Variants in XXYLT1 observed in about 807,000 individuals in gnomAD.
XXYLT1 encodes xyloside xylosyltransferase 1.
In XXYLT1, 20 loss-of-function variants were observed where a neutral mutation model predicts 28.9. The ratio of observed to expected loss-of-function variants is 0.69; its 90% CI spans 0.49 to 1.00. The LOEUF (loss-of-function observed/expected upper bound fraction) is 1.00, where lower values mean the gene tolerates loss of function less well. Among genes scored for constraint, XXYLT1 ranks in the 50% least tolerant of loss-of-function variants. The pLI is 0.00. For missense variants in XXYLT1, 542 were observed against 560.1 expected (o/e 0.97, Z 0.33); for synonymous variants, 257 against 253.8 (o/e 1.01, Z -0.12).
rs1724349748 is a variant in XXYLT1, at chr3:195,232,620, C to T, written c.505-5764G>A. ...TTTCAAGAAATTTTTCAATTTCTTT[C>T]TTAACCTCTTCATTGACCAACTGGT... On this transcript the variant is annotated intron_variant, in intron 1 of 3. Coordinates refer to ENST00000310380, the MANE Select transcript of XXYLT1 (RefSeq NM_152531.5). 2.6e-5 allele frequency among the ~76,000 whole-genome samples: 4 copies of T among 152,192 alleles called. No homozygotes were observed. In the East Asian group the frequency reaches 7.7e-4, roughly 29 times the overall value.
At chr3:195,163,837 A>G (rs994376650) in intron 2 of XXYLT1, among the ~76,000 whole-genome samples, 13 of 152,222 alleles carry the variant, frequency 8.5e-5, no homozygotes, top group African/African-American at 2.9e-4. Flanking sequence ...TCATGGTGCA[A>G]GACAGGGGCT....
At position 195,092,782 on chromosome 3, in the gene XXYLT1, C is replaced by T. The variant is rs563597862; in HGVS notation, c.786-22671G>A. The stretch of plus-strand genomic sequence containing the variant: ...AGAAAATTTTCGCAACCAACTCATC[C>T]GACAGAGGGCTAATATCCAGAATCT... On this transcript the variant is annotated intron_variant, in intron 3 of 3. Coordinates refer to ENST00000310380, the MANE Select transcript of XXYLT1 (RefSeq NM_152531.5). Among the ~76,000 whole-genome samples, 229 of 110,956 alleles carry T rather than the reference C, an allele frequency of 2.1e-3. 46 individuals are homozygous for T. Among genetic ancestry groups the T allele is most frequent in the African/African-American group, 0.01 (215 of 21,138 alleles). 72.8% of individuals were successfully genotyped at this position (110,956 alleles called of 152,430 possible).
chr3:195,172,339 C>T (rs1553815135), intron 2 of XXYLT1, among the ~76,000 whole-genome samples: 1 of 152,150 alleles, frequency 6.6e-6, no homozygotes, highest in Non-Finnish European at 1.5e-5. Context: ...AAAAACACTG[C>T]CCCAAGAAGT....
intron 2 of XXYLT1, among the ~76,000 whole-genome samples, chr3:195,185,117 GGAA>G (rs1211561344): frequency 7.4e-6 from 1 of 134,290 alleles, no homozygotes; most frequent in African/African-American, 3.4e-5. Flanking sequence ...AAGGAAGGAA[GGAA>G]GGAAGGAAGG....
chr3:195,141,353 TCCAAATA>T (rs1429586255), intron 3 of XXYLT1, among the ~76,000 whole-genome samples: 1 of 152,220 alleles, frequency 6.6e-6, no homozygotes, highest in Non-Finnish European at 1.5e-5. Context: ...CTGAAACAAT[TCCAAATA>T]CTTGCATAGT....
intron 3 of XXYLT1, among the ~76,000 whole-genome samples, chr3:195,071,751 C>G (rs145995904): frequency 4.6e-5 from 7 of 152,220 alleles, no homozygotes; most frequent in African/African-American, 1.7e-4. Context: ...ATTTCAGGAC[C>G]AGGTTATAAA....
At chr3:195,260,654 C>G (rs574135261) in intron 1 of XXYLT1, among the ~76,000 whole-genome samples, 1 of 152,346 alleles carries the variant, frequency 6.6e-6, no homozygotes, top group Admixed American at 6.5e-5. Context: ...TCTCAACCGA[C>G]CCCTCCGAAA....
At chr3:195,202,856 C>T (rs928250214) in intron 2 of XXYLT1, among the ~76,000 whole-genome samples, 11 of 152,200 alleles carry the variant, frequency 7.2e-5, no homozygotes, top group Non-Finnish European at 5.9e-5. Flanking sequence ...TCTGTTAGCA[C>T]ACTACAATTC....
intron 2 of XXYLT1, among the ~76,000 whole-genome samples, chr3:195,203,751 G>A (rs1303956652): frequency 5.9e-5 from 9 of 152,136 alleles, no homozygotes; most frequent in Non-Finnish European, 1.3e-4. Flanking sequence ...GCAGTGTGCT[G>A]GGACTGTCAT....
Position 195,214,496 on chromosome 3 carries a change from G to T in XXYLT1, c.652+12213C>A, listed in dbSNP as rs574447364. ...TTTCTGAAGCAAGCAGGGGCCACAG[G>T]GCTAACTATGGGAACCAGCATGCAC... On this transcript the variant is annotated intron_variant, in intron 2 of 3. Transcript: ENST00000310380. Among the ~76,000 whole-genome samples the T allele has an allele frequency of 2.6e-4, 39 of 152,162 alleles. No homozygotes were observed. In the South Asian group the frequency reaches 7.1e-3, roughly 28 times the overall value.
chr3:195,205,485 C>T (rs779139010), intron 2 of XXYLT1, among the ~76,000 whole-genome samples: 8 of 152,072 alleles, frequency 5.3e-5, no homozygotes, highest in African/African-American at 7.2e-5. Context: ...GTGGTTGCTA[C>T]GGGTCAGAGG....
At chr3:195,268,431 C>CAA (rs56751794) in intron 1 of XXYLT1, among the ~76,000 whole-genome samples, 2 of 133,418 alleles carry the variant, frequency 1.5e-5, no homozygotes, top group Non-Finnish European at 3.3e-5. Flanking sequence ...AACTCTGTCT[C>CAA]AAAAAAAAAA....
intron 2 of XXYLT1, among the ~76,000 whole-genome samples, chr3:195,223,863 A>G (rs1484891970): frequency 6.6e-6 from 1 of 152,212 alleles, no homozygotes; most frequent in Non-Finnish European, 1.5e-5. Context: ...GGCACATGTA[A>G]AAATGAATTG....
At chr3:195,208,142 G>A (rs75427129) in intron 2 of XXYLT1, among the ~76,000 whole-genome samples, 5,345 of 152,298 alleles carry the variant, frequency 0.035, 348 homozygotes, top group African/African-American at 0.12. Context: ...CGGGGGCCGT[G>A]TTAGAGGCTG....
At chr3:195,122,159 G>C (rs1453215557) in intron 3 of XXYLT1, 1 of 703,004 alleles carries the variant, frequency 1.4e-6, no homozygotes, top group South Asian at 1.5e-5. Flanking sequence ...GAGCTCTTCA[G>C]GGTCTCTTTC....
Position 195,133,216 on chromosome 3 carries a change from T to C in XXYLT1, c.785+23233A>G, listed in dbSNP as rs1476612787. ...CTGAAGCCCCAGGTGCCCCGCCTGC[T>C]GAGCAGACAGATGGCTGCAAGTCCC... On this transcript the variant is annotated intron_variant, in intron 3 of 3. Transcript: ENST00000310380. The surrounding 1 kb of genome is among the most constrained non-coding windows in gnomAD (Gnocchi z 4.4). Among the ~76,000 whole-genome samples, 1 of 152,186 alleles carries C rather than the reference T, an allele frequency of 6.6e-6. No individual in the cohort carries two copies. The highest frequency in any genetic ancestry group is 3.2e-3 in the Middle Eastern group (1 of 316).
intron 1 of XXYLT1, among the ~76,000 whole-genome samples, chr3:195,230,991 T>C (rs116584253): frequency 0.062 from 9,437 of 152,216 alleles, 998 homozygotes; most frequent in African/African-American, 0.21. Context: ...TTTAACAATA[T>C]TGGTTCTTCC....
chr3:195,147,907 T>C (rs904343054), intron 3 of XXYLT1: 1 of 152,246 alleles, frequency 6.6e-6, no homozygotes, highest in Non-Finnish European at 1.5e-5. Flanking sequence ...GATTCAGTAG[T>C]ACCAAAATAC....
intron 1 of XXYLT1, among the ~76,000 whole-genome samples, chr3:195,250,611 C>A (rs1725215169): frequency 6.6e-6 from 1 of 151,890 alleles, no homozygotes; most frequent in Non-Finnish European, 1.5e-5. Context: ...TCCTGGTCCT[C>A]TTCTCCTGCT....
Sources: gnomAD v4.1 joint callset for allele counts (sites outside exome capture counted in the v4.1 genomes callset) on GRCh38, gnomAD v4.1.1 for gene constraint, Gnocchi (gnomAD v3.1) non-coding constraint, MANE v1.5 for transcripts, NCBI Gene and HGNC (gene_info 2026-07-23, HGNC 2026-07-21) for gene names.